GALNT13: variants seen among roughly 807,000 people sequenced by gnomAD.
GALNT13 encodes the protein UDP-GalNAc:polypeptide N-acetylgalactosaminyltransferase 13.
In GALNT13, 28 loss-of-function variants were observed where a neutral mutation model predicts 64.2. That is an observed-to-expected ratio of 0.44 (90% confidence interval 0.32 to 0.60). The LOEUF is 0.60. GALNT13 is among the 20% of genes least tolerant of loss of function. The pLI, the probability that GALNT13 is intolerant of heterozygous loss-of-function variation, is 0.05. For missense variants in GALNT13, 577 were observed against 669.8 expected (o/e 0.86, Z 1.53); for synonymous variants, 214 against 224.6 (o/e 0.95, Z 0.42).
chr2:153,472,295 C>T, the GALNT13 span, among the ~76,000 whole-genome samples: 1 of 152,082 alleles, frequency 6.6e-6, no homozygotes, highest in African/African-American at 2.4e-5. Context: ...CCTTCTCTCT[C>T]TGTAATAAAA....
the GALNT13 span, among the ~76,000 whole-genome samples, chr2:153,745,299 C>G: frequency 1.3e-5 from 2 of 152,114 alleles, no homozygotes; most frequent in South Asian, 4.1e-4. Flanking sequence ...TAAAAAATAA[C>G]AGTAGTTTAT....
At chr2:154,110,326 TATATATATATAGAGAGAG>T (rs1702891785) in intron 3 of GALNT13, among the ~76,000 whole-genome samples, 1 of 28,286 alleles carries the variant, frequency 3.5e-5, no homozygotes, top group Non-Finnish European at 6.1e-5. Flanking sequence ...TATATATATA[TATATATATATAGAGAGAG>T]AGAGAGAGAG....
intron 4 of GALNT13, among the ~76,000 whole-genome samples, chr2:154,154,000 G>A (rs1165198425): frequency 6.6e-6 from 1 of 152,212 alleles, no homozygotes; most frequent in Admixed American, 6.5e-5. Context: ...AGATGGAAAT[G>A]CAGAAATCAC....
the GALNT13 span, among the ~76,000 whole-genome samples, chr2:153,156,344 T>G: frequency 6.6e-6 from 1 of 152,174 alleles, no homozygotes; most frequent in Non-Finnish European, 1.5e-5. Context: ...TTGACACACT[T>G]TCTATTACAG....
chr2:153,240,486 G>A, the GALNT13 span, among the ~76,000 whole-genome samples: 1 of 152,096 alleles, frequency 6.6e-6, no homozygotes, highest in Non-Finnish European at 1.5e-5. Flanking sequence ...TCTGGTGATA[G>A]ATCAGAGGCC....
chr2:153,132,743 A>G, the GALNT13 span, among the ~76,000 whole-genome samples: 3 of 152,130 alleles, frequency 2.0e-5, no homozygotes, highest in Non-Finnish European at 4.4e-5. Flanking sequence ...TTTTTAAGAC[A>G]AGTTCTCACT....
the GALNT13 span, among the ~76,000 whole-genome samples, chr2:153,859,921 A>G: frequency 1.3e-5 from 2 of 152,180 alleles, no homozygotes; most frequent in African/African-American, 4.8e-5. Flanking sequence ...AAGGTGTATC[A>G]CAAGTGAAAT....
chr2:153,710,060 G>A, the GALNT13 span, among the ~76,000 whole-genome samples: 12 of 152,006 alleles, frequency 7.9e-5, no homozygotes, highest in South Asian at 6.2e-4. Flanking sequence ...TAGATCTATC[G>A]CACAGCATGG....
intron 2 of GALNT13, among the ~76,000 whole-genome samples, chr2:153,942,142 G>T (rs905577168): frequency 1.3e-5 from 2 of 151,850 alleles, no homozygotes; most frequent in East Asian, 3.9e-4. Context: ...TTTCTTGAAC[G>T]ATTTTTTAAA....
the GALNT13 span, among the ~76,000 whole-genome samples, chr2:153,308,427 CAA>C: frequency 6.6e-6 from 1 of 152,160 alleles, no homozygotes; most frequent in East Asian, 1.9e-4. Flanking sequence ...ACAAATGACA[CAA>C]GTCTGTATCG....
At chr2:153,198,435 G>A in the GALNT13 span, among the ~76,000 whole-genome samples, 1 of 152,270 alleles carries the variant, frequency 6.6e-6, no homozygotes, top group South Asian at 2.1e-4. Flanking sequence ...ATGCTGGCTG[G>A]ACTATACACC....
At chr2:153,651,728 GA>G in the GALNT13 span, among the ~76,000 whole-genome samples, 1 of 152,118 alleles carries the variant, frequency 6.6e-6, no homozygotes, top group African/African-American at 2.4e-5. Flanking sequence ...CAGAGGTTGA[GA>G]AATGGTGATG....
At chr2:153,448,596 T>C in the GALNT13 span, among the ~76,000 whole-genome samples, 6,165 of 152,298 alleles carry the variant, frequency 0.04, 140 homozygotes, top group Middle Eastern at 0.071. Flanking sequence ...CACCAAGTTA[T>C]ATTAAGTTCA....
At chr2:154,436,280 G>C (rs799771) in intron 11 of GALNT13, 1 of 152,196 alleles carries the variant, frequency 6.6e-6, no homozygotes, top group Non-Finnish European at 1.5e-5. Context: ...TTAAATGTAC[G>C]TTACTTATAA....
chr2:153,531,301 G>T, the GALNT13 span, among the ~76,000 whole-genome samples: 1 of 152,162 alleles, frequency 6.6e-6, no homozygotes, highest in Non-Finnish European at 1.5e-5. Flanking sequence ...TTACAATCAT[G>T]GTAGAATGTG....
intron 1 of GALNT13, among the ~76,000 whole-genome samples, chr2:153,881,001 G>A (rs1558831748): frequency 6.6e-6 from 1 of 152,122 alleles, no homozygotes; most frequent in Non-Finnish European, 1.5e-5. Flanking sequence ...AATTAAAAAA[G>A]GCTGTTCATT....
the GALNT13 span, among the ~76,000 whole-genome samples, chr2:153,404,177 C>T: frequency 6.6e-6 from 1 of 152,110 alleles, no homozygotes; most frequent in South Asian, 2.1e-4. Context: ...ATGGCAAGGT[C>T]TTATAGTTCA....
At chr2:153,780,442 T>C in the GALNT13 span, among the ~76,000 whole-genome samples, 1 of 151,952 alleles carries the variant, frequency 6.6e-6, no homozygotes, top group East Asian at 1.9e-4. Flanking sequence ...AATCTCTGAT[T>C]GCTACAAATC....
At chr2:154,426,145 A>C (rs968425477) in intron 11 of GALNT13, among the ~76,000 whole-genome samples, 3 of 151,018 alleles carry the variant, frequency 2.0e-5, no homozygotes, top group Non-Finnish European at 4.4e-5. Context: ...TCCTCTTCCA[A>C]CCTCCCTGGT....
Sources: allele counts gnomAD v4.1 joint callset (sites outside exome capture counted in the v4.1 genomes callset), GRCh38; gene constraint gnomAD v4.1.1; transcripts MANE v1.5; gene names NCBI Gene and HGNC (gene_info 2026-07-23, HGNC 2026-07-21).